The following FBXL3 variants were observed in gnomAD, a reference collection of about 807,000 sequenced individuals.
FBXL3 encodes the protein F-box and leucine rich repeat protein 3.
A neutral mutation model predicts 37.9 loss-of-function variants in FBXL3; 14 were observed. The observed-to-expected ratio is 0.37, with a 90% CI of 0.24 to 0.58. The LOEUF (loss-of-function observed/expected upper bound fraction) is 0.58. Ranked by LOEUF, FBXL3 falls within the 20% of genes least tolerant of loss-of-function variation. The pLI, the probability that FBXL3 is intolerant of heterozygous loss-of-function variation, is 0.74. For synonymous variants in FBXL3, 194 were observed against 180.1 expected, an observed-to-expected ratio of 1.08 and a Z score of -0.62; for missense variants, 327 against 511.1, an observed-to-expected ratio of 0.64 and a Z score of 3.47.
intron 2 of FBXL3, among the ~76,000 whole-genome samples, chr13:77,019,914 G>C (rs192021312): frequency 6.6e-6 from 1 of 151,572 alleles, no homozygotes; most frequent in African/African-American, 2.4e-5. Flanking sequence ...AGATACACCT[G>C]AATTGTATCA....
At chr13:77,012,303 C>T (rs1344969095) in intron 4 of FBXL3, among the ~76,000 whole-genome samples, 2 of 104,296 alleles carry the variant, frequency 1.9e-5, no homozygotes, top group African/African-American at 2.6e-5. Flanking sequence ...TAAATTCATA[C>T]AACTCATTTG....
At position 77,007,198 on chromosome 13, in the gene FBXL3, C is replaced by T; in HGVS notation, c.1234G>A (p.Val412Met). 1.2e-6 allele frequency: 2 copies of T among 1,613,740 alleles called. No individual in the cohort carries two copies. The highest frequency in any genetic ancestry group is 1.7e-6 in the Non-Finnish European group (2 of 1,179,930). Residue 412 changes from valine to methionine, a missense_variant, in exon 5 of 5, where the codon GTG (valine) becomes ATG (methionine). By Grantham distance (21) the Val-to-Met change is conservative. Coordinates refer to ENST00000355619, the MANE Select transcript of FBXL3 (RefSeq NM_012158.4). ...KYSLEQIHWE[V>M]SKHLGRVWFP... ...CACACCCTACCAAGATGCTTGGACA[C>T]TTCCCAGTGAATCTGCTCCAAACTA...
At chr13:77,017,337 A>C (rs558402084) in intron 3 of FBXL3, 2 of 152,208 alleles carry the variant, frequency 1.3e-5, no homozygotes, top group Non-Finnish European at 2.9e-5. Context: ...ATACCATATG[A>C]GTCAGTATGT....
rs954115088 is a variant in FBXL3 at position 77,027,117 on chromosome 13, C to G, written c.-292G>C. ...AGAGACTACCTCAGCGAGCGGCTGC[C>G]ACCGCGTAAGCTTCCTGCACCTGGG... On this transcript the variant is annotated 5_prime_UTR_variant, in exon 1 of 5. Coordinates refer to ENST00000355619, the MANE Select transcript of FBXL3 (RefSeq NM_012158.4). The G allele has an allele frequency of 6.6e-6, 1 of 151,942 alleles. No individual in the cohort carries two copies. The highest frequency in any genetic ancestry group is 1.5e-5 in the Non-Finnish European group (1 of 68,022). 9.4% of individuals were successfully genotyped at this position (151,942 alleles called of 1,614,324 possible). A position where few individuals can be genotyped will look rare whatever the true frequency, so the allele number is the denominator to read the frequency against.
chr13:77,015,446 C>T lies in FBXL3; in HGVS notation c.606G>A (p.Leu202=), dbSNP rs935719820. 20 of 1,597,710 alleles carry T rather than the reference C, an allele frequency of 1.3e-5. No individual in the cohort carries two copies. Among genetic ancestry groups the T allele is most frequent in the Non-Finnish European group, 1.6e-5 (19 of 1,173,470 alleles). The part of the protein sequence containing the change: ...LVANNSDTLK[L]LKMSSCPHVS... ...CATGAGGACAGCTGCTCATTTTCAA[C>T]AGCTTGAGTGTATCACTATTGTTGG... The change falls in exon 4 of 5, where the codon CTG becomes CTA. Residue 202 remains leucine, a synonymous_variant. Transcript: ENST00000355619.
At position 77,027,107 on chromosome 13, in the gene FBXL3, G is replaced by A. The variant is rs1414070820; in HGVS notation, c.-282C>T. Reference sequence around the variant, plus strand: ...CGGCGCCGCGAGAGACTACCTCAGCGAGCGGCTGCCACCGCGTAAGCTTCC... The same window carrying A: ...CGGCGCCGCGAGAGACTACCTCAGCAAGCGGCTGCCACCGCGTAAGCTTCC... On this transcript the variant is annotated 5_prime_UTR_variant, in exon 1 of 5. Transcript: ENST00000355619. 2.0e-5 allele frequency: 3 copies of A among 151,934 alleles called. No individual in the cohort carries two copies. The highest frequency in any genetic ancestry group is 2.9e-5 in the Non-Finnish European group (2 of 68,004). 9.4% of individuals were successfully genotyped at this position (151,934 alleles called of 1,614,324 possible). A position where few individuals can be genotyped will look rare whatever the true frequency, so the allele number is the denominator to read the frequency against.
At chr13:77,022,238 T>C (rs1210594834) in intron 1 of FBXL3, among the ~76,000 whole-genome samples, 1 of 152,248 alleles carries the variant, frequency 6.6e-6, no homozygotes, top group Non-Finnish European at 1.5e-5. Flanking sequence ...TAAAGGTTTC[T>C]TAAAAGTCAT....
intron 4 of FBXL3, chr13:77,014,317 T>C (rs1397072026): frequency 6.6e-6 from 1 of 152,222 alleles, no homozygotes; most frequent in Non-Finnish European, 1.5e-5. Context: ...AAAAGGACCT[T>C]GTACACTATG....
At chr13:77,018,294 G>A (rs1449562872) in intron 3 of FBXL3, 2 of 174,326 alleles carry the variant, frequency 1.1e-5, no homozygotes, top group Non-Finnish European at 2.4e-5. Flanking sequence ...GCCCCAAAAT[G>A]AGTATCTATG....
intron 3 of FBXL3, 76 bp downstream of exon 3, chr13:77,018,522 ACT>A (rs2034684946): frequency 6.5e-6 from 8 of 1,221,624 alleles, no homozygotes; most frequent in Middle Eastern, 2.1e-4. Context: ...TTATACTCAC[ACT>A]GTCAATACAA....
intron 1 of FBXL3, 60 bp downstream of exon 1, chr13:77,026,767 C>T (rs1193205821): frequency 6.9e-6 from 1 of 145,632 alleles, no homozygotes; most frequent in Non-Finnish European, 1.5e-5. Context: ...ACAGACGGTC[C>T]GCGGTCCCTC....
intron 3 of FBXL3, 153 bp from the exon 4 acceptor site, chr13:77,015,733 A>G: frequency 2.3e-6 from 1 of 435,024 alleles, no homozygotes; most frequent in Non-Finnish European, 3.9e-6. Flanking sequence ...TGTTGTTGGG[A>G]ATATGGTAAA....
chr13:77,006,032 T>C lies in FBXL3; in HGVS notation c.*1113A>G, dbSNP rs915914427. On this transcript the variant is annotated 3_prime_UTR_variant, in exon 5 of 5. Coordinates refer to ENST00000355619, the MANE Select transcript of FBXL3 (RefSeq NM_012158.4). ...ACTGCAGACATTTTTCTATTAAAGT[T>C]TTCCAGTTCACTGAGCAATATTTAC... is the stretch of plus-strand genomic sequence containing the variant. 7.9e-5 allele frequency: 12 copies of C among 152,556 alleles called. No homozygotes were observed. The highest frequency in any genetic ancestry group is 2.9e-4 in the African/African-American group (12 of 41,458). 9.5% of individuals were successfully genotyped at this position (152,556 alleles called of 1,614,324 possible).
chr13:77,026,058 CAG>C (rs531911836), intron 1 of FBXL3: 3 of 483,986 alleles, frequency 6.2e-6, no homozygotes, highest in Admixed American at 6.4e-5. Flanking sequence ...TCAGAGATAA[CAG>C]AAACTAAGTT....
At chr13:77,011,248 G>A (rs1356631111) in intron 4 of FBXL3, among the ~76,000 whole-genome samples, 1 of 150,212 alleles carries the variant, frequency 6.7e-6, no homozygotes, top group African/African-American at 2.5e-5. Context: ...GCTGAGGCAG[G>A]AGAATCACCT....
rs2034461878 is a variant in FBXL3, at chr13:77,006,941, ACTG to A, written c.*201_*203del. The A allele has an allele frequency of 2.1e-5, 29 of 1,375,678 alleles. No homozygotes were observed. The highest frequency in any genetic ancestry group is 2.6e-5 in the Non-Finnish European group (28 of 1,068,788). 85.2% of individuals were successfully genotyped at this position (1,375,678 alleles called of 1,614,324 possible). A position where few individuals can be genotyped will look rare whatever the true frequency, so the allele number is the denominator to read the frequency against. ...ACATTAAAAAAAATTCGGAGATATG[ACTG>A]CTATTACACTAAGGAAACAAGTGGA... On this transcript the variant is annotated 3_prime_UTR_variant, in exon 5 of 5. Coordinates refer to ENST00000355619, the MANE Select transcript of FBXL3 (RefSeq NM_012158.4).
At chr13:77,008,106 TA>T (rs1350101779) in intron 4 of FBXL3, among the ~76,000 whole-genome samples, 2 of 152,180 alleles carry the variant, frequency 1.3e-5, no homozygotes, top group Admixed American at 1.3e-4. Context: ...GCCATATTTT[TA>T]AAAAGTTATT....
At chr13:77,015,013 C>CTTCT (rs1180120909) in intron 4 of FBXL3, 1 of 152,978 alleles carries the variant, frequency 6.5e-6, no homozygotes, top group African/African-American at 2.4e-5. Flanking sequence ...TAGTACAACT[C>CTTCT]TTCTCCCTCT....
rs537041091 is a variant in FBXL3, at chr13:77,018,522, A to G, written c.471+78T>C. The G allele has an allele frequency of 6.9e-4, 841 of 1,221,614 alleles. 6 individuals are homozygous for G. The South Asian group carries it at 6.9e-3, about 10-fold the overall frequency. The allele number at this position is 1,221,614 out of a possible 1,614,324, so 75.7% of individuals were successfully genotyped here. ...TATATATAACTTTCCTTATACTCAC[A>G]CTGTCAATACAAAAAAAAAAGATTA... On this transcript the variant is annotated intron_variant, in intron 3 of 4. Coordinates refer to ENST00000355619, the MANE Select transcript of FBXL3 (RefSeq NM_012158.4).
Sources: allele counts gnomAD v4.1 joint callset (sites outside exome capture counted in the v4.1 genomes callset), GRCh38; gene constraint gnomAD v4.1.1; transcripts MANE v1.5; gene names NCBI Gene and HGNC (gene_info 2026-07-23, HGNC 2026-07-21).